AAAS: variants seen among roughly 807,000 people sequenced by gnomAD.
AAAS encodes aladin WD repeat nucleoporin.
A neutral mutation model predicts 75.6 loss-of-function variants in AAAS; 60 were observed. The observed-to-expected ratio is 0.79, with a 90% CI of 0.64 to 0.98. The LOEUF is 0.98. AAAS is among the 50% of genes least tolerant of loss of function. The pLI is 0.00. For missense variants in AAAS, 658 were observed against 686.9 expected (o/e 0.96, Z 0.47); for synonymous variants, 271 against 265.0 (o/e 1.02, Z -0.22).
rs1338148598 is a variant in AAAS at position 53,321,434 on chromosome 12, G to A, written c.32C>T (p.Pro11Leu). The A allele has an allele frequency of 6.2e-7, 1 of 1,614,238 alleles. No homozygotes were observed. The highest frequency in any genetic ancestry group is 8.5e-7 in the Non-Finnish European group (1 of 1,180,046). Residue 11 changes from proline to leucine, a missense_variant, in exon 1 of 16, where the codon CCG becomes CTG. By Grantham distance (98) the Pro-to-Leu change is moderately conservative. Transcript: ENST00000209873. ...ATATAGGGTGACTTGACCCCGAGGC[G>A]GTGGAGGAGGGAACAACCCCAGAGA... MCSLGLFPPP[P>L]PRGQVTLYEH...
chr12:53,318,342 T>C (rs1944499371), intron 2 of AAAS, among the ~76,000 whole-genome samples: 1 of 151,846 alleles, frequency 6.6e-6, no homozygotes, highest in Admixed American at 6.6e-5. Context: ...CTGCAACCTC[T>C]ACCTCCTGGG....
In AAAS at chr12:53,315,372, G is replaced by A. The variant is rs201451157; in HGVS notation, c.362C>T (p.Ala121Val). The A allele has an allele frequency of 3.7e-5, 59 of 1,614,014 alleles. No homozygotes were observed. Among genetic ancestry groups the A allele is most frequent in the Non-Finnish European group, 2.4e-5 (28 of 1,180,050 alleles). Residue 121 changes from alanine (A) to valine (V), a missense_variant, in exon 4 of 16, where the codon GCC becomes GTC. Physicochemically the swap from Ala to Val is moderately conservative, Grantham distance 64. Transcript: ENST00000209873. The part of the protein sequence containing the change: ...SGWALALCRW[A>V]SSLHGSLFPH... ...GAACAGGGACCCATGGAGGGAAGAG[G>A]CCCATCGACAGAGTGCCAGGGCCCA...
intron 2 of AAAS, among the ~76,000 whole-genome samples, 155 bp from the exon 3 acceptor site, chr12:53,315,937 T>C (rs1292218789): frequency 6.6e-6 from 1 of 152,184 alleles, no homozygotes; most frequent in Non-Finnish European, 1.5e-5. Flanking sequence ...TGTCCTTTCA[T>C]TTACATATCT....
At chr12:53,318,074 G>A (rs920330757) in intron 2 of AAAS, among the ~76,000 whole-genome samples, 8 of 152,134 alleles carry the variant, frequency 5.3e-5, no homozygotes, top group African/African-American at 1.9e-4. Flanking sequence ...TGTGACCCAG[G>A]CTGGAGTGCA....
chr12:53,319,463 G>C (rs751828935), intron 2 of AAAS, among the ~76,000 whole-genome samples: 1 of 152,148 alleles, frequency 6.6e-6, no homozygotes, highest in Non-Finnish European at 1.5e-5. Flanking sequence ...CTACCAAAGC[G>C]CTGGGATTAT....
At chr12:53,309,401 C>T (rs1314544451) in intron 8 of AAAS, 120 bp from the exon 9 acceptor site, 14 of 1,536,814 alleles carry the variant, frequency 9.1e-6, no homozygotes, top group Non-Finnish European at 1.2e-5. Flanking sequence ...GACTGTGAAA[C>T]ATGAGGCACG....
chr12:53,319,823 A>G (rs1592523722), intron 2 of AAAS, among the ~76,000 whole-genome samples: 1 of 141,632 alleles, frequency 7.1e-6, no homozygotes, highest in African/African-American at 2.6e-5. Flanking sequence ...AAAAAAAAAA[A>G]AAGAAAAAGA....
chr12:53,314,326 T>A lies in AAAS; in HGVS notation c.661A>T (p.Thr221Ser), dbSNP rs1477331145. Residue 221 changes from threonine to serine, a missense_variant, in exon 7 of 16, where the codon ACC becomes TCC. Transcript: ENST00000209873. ...GTAGACAAGGAGGTAGGGTCCAGGG[T>A]CCAGATAAGAATGCAGCTCTGGCAG... ...VACQSCILIWTLDPTSLSTRP... is the reference protein window; with the variant it reads ...VACQSCILIWSLDPTSLSTRP... 1 of 1,613,586 alleles carries A rather than the reference T, an allele frequency of 6.2e-7. No individual in the cohort carries two copies.
intron 2 of AAAS, among the ~76,000 whole-genome samples, chr12:53,318,811 A>G (rs2136818502): frequency 1.3e-5 from 2 of 152,350 alleles, no homozygotes; most frequent in South Asian, 4.1e-4. Context: ...TGATGCATCA[A>G]CTGGAAATCT....
intron 8 of AAAS, 127 bp from the exon 9 acceptor site, chr12:53,309,408 C>T (rs1592513391): frequency 6.6e-7 from 1 of 1,524,404 alleles, no homozygotes; most frequent in East Asian, 2.3e-5. Flanking sequence ...AAACATGAGG[C>T]ACGGGTTCAT....
Position 53,314,280 on chromosome 12 carries a change from C to T in AAAS, c.689+18G>A. On this transcript the variant is annotated intron_variant, in intron 7 of 15. Transcript: ENST00000209873. Reference sequence around the variant, plus strand: ...GCACAACTCTCAGGCCAAGGTAAGGCAGGCTACTAGGACTTACCGGGTAGA... The same window carrying T: ...GCACAACTCTCAGGCCAAGGTAAGGTAGGCTACTAGGACTTACCGGGTAGA... 6.2e-7 allele frequency: 1 copy of T among 1,614,172 alleles called. No homozygotes were observed. Among genetic ancestry groups the T allele is most frequent in the East Asian group, 2.2e-5 (1 of 44,888 alleles).
intron 6 of AAAS, 113 bp from the exon 7 acceptor site, chr12:53,314,554 C>G: frequency 6.7e-7 from 1 of 1,492,012 alleles, no homozygotes; most frequent in Non-Finnish European, 9.3e-7. Flanking sequence ...ATCCAGGGGC[C>G]AGGGGCACCA....
Position 53,315,786 on chromosome 12 carries a change from A to G in AAAS, c.252-4T>C. On this transcript the variant is annotated splice_polypyrimidine_tract_variant and splice_region_variant and intron_variant, in intron 2 of 15. Transcript: ENST00000209873. ...CCCAAAAAGGCCCACATCACGCCTG[A>G]TAAGGGAGGAAAATGTGGGTCAGCT... The G allele has an allele frequency of 6.2e-7, 1 of 1,613,672 alleles. No homozygotes were observed. Among genetic ancestry groups the G allele is most frequent in the East Asian group, 2.2e-5 (1 of 44,888 alleles).
At chr12:53,309,767 C>G (rs767279434) in intron 7 of AAAS, 46 bp from the exon 8 acceptor site, 3 of 1,603,402 alleles carry the variant, frequency 1.9e-6, no homozygotes, top group Admixed American at 1.7e-5. Context: ...TGACAAGAAG[C>G]CATCCCCAAA....
chr12:53,309,879 G>A, intron 7 of AAAS, 158 bp from the exon 8 acceptor site: 5 of 1,097,322 alleles, frequency 4.6e-6, no homozygotes, highest in Admixed American at 4.9e-5. Flanking sequence ...AAAGTTAAAA[G>A]AAAAAAACAG....
rs1442396420 is a variant in AAAS at position 53,321,455 on chromosome 12, AG to A, written c.10del (p.Leu4TrpfsTer23). On this transcript the variant is annotated frameshift_variant, in exon 1 of 16. Transcript: ENST00000209873. LOFTEE classifies it high-confidence loss of function. The stretch of plus-strand genomic sequence containing the variant: ...AGGCGGTGGAGGAGGGAACAACCCC[AG>A]AGAGCACATCTTGCCGGTTCGCAGG... MCSLGLFPPPPPRG... is the reference protein window; with the variant it reads MCSXGLFPPPPPRG... 6.2e-7 allele frequency: 1 copy of A among 1,614,172 alleles called. No homozygotes were observed. Among genetic ancestry groups the A allele is most frequent in the Non-Finnish European group, 8.5e-7 (1 of 1,180,032 alleles).
At chr12:53,316,084 G>A (rs1944457078) in intron 2 of AAAS, among the ~76,000 whole-genome samples, 1 of 152,200 alleles carries the variant, frequency 6.6e-6, no homozygotes, top group Non-Finnish European at 1.5e-5. Context: ...AGGGTTCTAA[G>A]GAGAAGAATA....
intron 3 of AAAS, 134 bp from the exon 4 acceptor site, chr12:53,315,560 T>C: frequency 1.7e-6 from 2 of 1,177,454 alleles, no homozygotes; most frequent in South Asian, 1.3e-5. Context: ...CACCACACTC[T>C]GGACACCCAC....
At chr12:53,320,415 A>T (rs999306330) in intron 2 of AAAS, 150 bp downstream of exon 2, 25 of 1,088,108 alleles carry the variant, frequency 2.3e-5, no homozygotes, top group Admixed American at 3.8e-5. Flanking sequence ...TATAATAAGG[A>T]CTAAAAATTT....
Sources: allele counts gnomAD v4.1 joint callset (sites outside exome capture counted in the v4.1 genomes callset), GRCh38; gene constraint gnomAD v4.1.1; transcripts MANE v1.5; gene names NCBI Gene and HGNC (gene_info 2026-07-23, HGNC 2026-07-21).